ABHD12: variants seen among roughly 807,000 people sequenced by gnomAD.
The protein encoded by ABHD12 is lysophosphatidylserine lipase ABHD12.
A neutral mutation model predicts 58.3 loss-of-function variants in ABHD12; 43 were observed. That is an observed-to-expected ratio of 0.74 (90% CI 0.58 to 0.95). The LOEUF (loss-of-function observed/expected upper bound fraction) is 0.95, where lower values mean the gene tolerates loss of function less well. ABHD12 is among the 40% of genes least tolerant of loss of function. The pLI, the probability that ABHD12 is intolerant of heterozygous loss-of-function variation, is 0.00. For missense variants in ABHD12, 539 were observed against 537.2 expected, an observed-to-expected ratio of 1.00 and a Z score of -0.03; for synonymous variants, 219 against 211.2, an observed-to-expected ratio of 1.04 and a Z score of -0.32.
At position 25,322,573 on chromosome 20, in the gene ABHD12, C is replaced by T. The variant is rs557856753; in HGVS notation, c.422+752G>A. 7.3e-5 allele frequency among the ~76,000 whole-genome samples: 11 copies of T among 150,110 alleles called. 1 individual carries two copies. Among genetic ancestry groups the T allele is most frequent in the African/African-American group, 9.8e-5 (4 of 40,864 alleles). ...TTTTGTATTTTTTTTTCAGTAGAGA[C>T]GGGGTTTCACCATGTTGTTTAGGGT... On this transcript the variant is annotated intron_variant, in intron 3 of 12. Coordinates refer to ENST00000339157, the MANE Select transcript of ABHD12 (RefSeq NM_001042472.3).
intron 2 of ABHD12, among the ~76,000 whole-genome samples, chr20:25,333,899 AG>A (rs1266192481): frequency 1.3e-5 from 2 of 152,238 alleles, no homozygotes; most frequent in Non-Finnish European, 2.9e-5. Context: ...AACTGGCAGA[AG>A]ACAGGGATGC....
rs145796072 is a variant in ABHD12, at chr20:25,374,654, C to T, written c.191+15859G>A. Among the ~76,000 whole-genome samples, 604 of 152,158 alleles carry T rather than the reference C, an allele frequency of 4.0e-3. 6 individuals are homozygous for T. Among genetic ancestry groups the T allele is most frequent in the African/African-American group, 0.014 (582 of 41,516 alleles). On this transcript the variant is annotated intron_variant, in intron 1 of 12. Coordinates refer to ENST00000339157, the MANE Select transcript of ABHD12 (RefSeq NM_001042472.3). ...GATTACAGGCATGTGCCACCACACC[C>T]GGCTAATTTTGTAATTTTAGTAGAG...
At chr20:25,306,701 C>A in intron 10 of ABHD12, 132 bp downstream of exon 10, 1 of 677,174 alleles carries the variant, frequency 1.5e-6, no homozygotes, top group Admixed American at 2.4e-5. Flanking sequence ...TTTTTAAAGA[C>A]CTGTTTGCTA....
intron 1 of ABHD12, among the ~76,000 whole-genome samples, chr20:25,357,289 C>A (rs1397851094): frequency 6.6e-6 from 1 of 152,226 alleles, no homozygotes; most frequent in Non-Finnish European, 1.5e-5. Context: ...GCCATCCAGC[C>A]TAATCAGGCT....
intron 10 of ABHD12, among the ~76,000 whole-genome samples, chr20:25,305,006 G>A (rs767785650): frequency 3.3e-5 from 5 of 152,078 alleles, no homozygotes; most frequent in Non-Finnish European, 2.9e-5. Context: ...CCGAGTAGCT[G>A]GGATTACAGG....
intron 1 of ABHD12, among the ~76,000 whole-genome samples, chr20:25,345,501 T>A (rs2089506916): frequency 6.6e-6 from 1 of 152,074 alleles, no homozygotes; most frequent in South Asian, 2.1e-4. Flanking sequence ...GTCAACAGAA[T>A]GAGAAGATAA....
chr20:25,365,169 T>C (rs1275327656), intron 1 of ABHD12, among the ~76,000 whole-genome samples: 2 of 152,254 alleles, frequency 1.3e-5, no homozygotes, highest in Non-Finnish European at 2.9e-5. Flanking sequence ...AATAGCTTTT[T>C]TGAAAAAGGT....
chr20:25,387,589 TTAAA>T (rs2090108888), intron 1 of ABHD12, among the ~76,000 whole-genome samples: 1 of 85,222 alleles, frequency 1.2e-5, no homozygotes, highest in Non-Finnish European at 2.1e-5. Flanking sequence ...TTCATCTCTA[TTAAA>T]AAAAAAAAAA....
chr20:25,295,065 T>G, intron 12 of ABHD12: 1 of 1,605,066 alleles, frequency 6.2e-7, no homozygotes, highest in South Asian at 1.1e-5. Flanking sequence ...AATTGTGAAC[T>G]CTGCATTTCG....
rs2089421915 is a variant in ABHD12, at chr20:25,339,268, A to G, written c.275T>C (p.Leu92Pro). 6.2e-7 allele frequency: 1 copy of G among 1,614,092 alleles called. No individual in the cohort carries two copies. Among genetic ancestry groups the G allele is most frequent in the African/African-American group, 1.3e-5 (1 of 74,930 alleles). Residue 92 changes from leucine (L) to proline (P), a missense_variant, in exon 2 of 13, where the codon CTA becomes CCA. By Grantham distance (98) the Leu-to-Pro change is moderately conservative. Transcript: ENST00000339157. ...CAGTTTGGCCTGTATTCCAGGACAT[A>G]GTTTGATGAGAAATGGAATGGCAAT... ...LYIAIPFLIK[L>P]CPGIQAKLIF...
rs541095122 is a variant in ABHD12 at position 25,308,494 on chromosome 20, G to A, written c.750C>T (p.Gly250=). ...VYIWGHSLGT[G]VATNLVRRLC... Reference sequence around the variant, plus strand: ...GGCGCCGCACCAGATTTGTCGCCACGCTAGGAAAAAAGAAAAACAGCTTAG... The same window carrying A: ...GGCGCCGCACCAGATTTGTCGCCACACTAGGAAAAAAGAAAAACAGCTTAG... Residue 250 remains glycine, a splice_region_variant and synonymous_variant, in exon 8 of 13, where the codon GGC becomes GGT. Coordinates refer to ENST00000339157, the MANE Select transcript of ABHD12 (RefSeq NM_001042472.3). 8 of 1,610,346 alleles carry A rather than the reference G, an allele frequency of 5.0e-6. No homozygotes were observed. Among genetic ancestry groups the A allele is most frequent in the East Asian group, 4.5e-5 (2 of 44,828 alleles).
intron 6 of ABHD12, among the ~76,000 whole-genome samples, chr20:25,310,623 G>T (rs372661190): frequency 2.6e-4 from 40 of 152,276 alleles, no homozygotes; most frequent in African/African-American, 9.6e-4. Flanking sequence ...GGAGGCAGGG[G>T]TATGGGGACA....
intron 4 of ABHD12, among the ~76,000 whole-genome samples, chr20:25,317,805 C>G (rs1163898972): frequency 6.6e-6 from 1 of 152,236 alleles, no homozygotes; most frequent in Non-Finnish European, 1.5e-5. Context: ...GGCTCCCTTC[C>G]CTCTTTCTTT....
At chr20:25,368,595 T>G in intron 1 of ABHD12, 7 of 1,398,624 alleles carry the variant, frequency 5.0e-6, no homozygotes, top group Non-Finnish European at 7.1e-6. Flanking sequence ...ACATAAACCC[T>G]GGAATAATTC....
chr20:25,315,180 C>T (rs2088936765), intron 5 of ABHD12, among the ~76,000 whole-genome samples: 1 of 152,172 alleles, frequency 6.6e-6, no homozygotes, highest in Non-Finnish European at 1.5e-5. Flanking sequence ...GACATCCCTG[C>T]CTGGGAGCGC....
intron 2 of ABHD12, among the ~76,000 whole-genome samples, chr20:25,329,905 G>A (rs2089240149): frequency 6.6e-6 from 1 of 152,244 alleles, no homozygotes; most frequent in South Asian, 2.1e-4. Flanking sequence ...AGGAAAAAGA[G>A]GAAGCTGGCC....
Position 25,303,604 on chromosome 20 carries a change from C to T in ABHD12, c.975G>A (p.Leu325=), listed in dbSNP as rs371156246. 6.2e-7 allele frequency: 1 copy of T among 1,613,822 alleles called. No individual in the cohort carries two copies. Among genetic ancestry groups the T allele is most frequent in the Non-Finnish European group, 8.5e-7 (1 of 1,179,980 alleles). Residue 325 remains leucine (L), a synonymous_variant, in exon 11 of 13, where the codon CTG becomes CTA. Transcript: ENST00000339157. ...GGTCGTCCTCAGCGTGCAGGATGAG[C>T]AGGGGACAGGAGATGTGCTTCACGC... is the stretch of plus-strand genomic sequence containing the variant. ...DENVKHISCP[L]LILHAEDDPV... is the part of the protein sequence containing the mutation.
intron 4 of ABHD12, among the ~76,000 whole-genome samples, chr20:25,317,626 G>A (rs1484441180): frequency 2.0e-5 from 3 of 152,202 alleles, no homozygotes; most frequent in Non-Finnish European, 4.4e-5. Flanking sequence ...TGTGTGCTCT[G>A]CACATGGGAT....
At chr20:25,295,817 G>A (rs2088533432), downstream of ABHD12, 3 of 904,802 alleles carry the variant, frequency 3.3e-6, no homozygotes, top group Non-Finnish European at 5.2e-6. Context: ...AGTCGGCTGT[G>A]CCTGCCTTTA....
Sources: allele counts gnomAD v4.1 joint callset (sites outside exome capture counted in the v4.1 genomes callset), GRCh38; gene constraint gnomAD v4.1.1; transcripts MANE v1.5; gene names NCBI Gene and HGNC (gene_info 2026-07-23, HGNC 2026-07-21).